The following ADCYAP1 variants were observed in gnomAD, a reference collection of about 807,000 sequenced individuals.
ADCYAP1 encodes pituitary adenylate cyclase-activating polypeptide.
Under a neutral mutation model 18.5 loss-of-function variants are expected in ADCYAP1, and 6 were observed. The ratio of observed to expected loss-of-function variants is 0.32; its 90% confidence interval spans 0.18 to 0.64. The LOEUF is 0.64. Among genes scored for constraint, ADCYAP1 ranks in the 30% least tolerant of loss-of-function variants. The probability of loss-of-function intolerance (pLI) is 0.77; values close to 1 mark genes in which losing one functional copy is unlikely to be tolerated. For synonymous variants in ADCYAP1, 136 were observed against 113.9 expected (o/e 1.19, Z -1.24); for missense variants, 314 against 253.6 (o/e 1.24, Z -1.62).
chr18:904,529 C>T, upstream of ADCYAP1: 1 of 1,289,182 alleles, frequency 7.8e-7, no homozygotes, highest in Non-Finnish European at 1.0e-6. Context: ...GGCCGGTCAC[C>T]TCTGTAACCA....
chr18:904,984 C>T lies in ADCYAP1; in HGVS notation c.-78C>T. ...CGGCGATGCCTCTCGGGTGGTGACT[C>T]CAGCGCAGGAACTTGAAGAAGCGCT... On this transcript the variant is annotated 5_prime_UTR_variant, in exon 1 of 5. Coordinates refer to ENST00000450565, the MANE Select transcript of ADCYAP1 (RefSeq NM_001099733.2). 7.7e-7 allele frequency: 1 copy of T among 1,291,936 alleles called. No individual in the cohort carries two copies. The highest frequency in any genetic ancestry group is 1.0e-6 in the Non-Finnish European group (1 of 990,552). 80.0% of individuals were successfully genotyped at this position (1,291,936 alleles called of 1,614,324 possible).
At chr18:908,188 G>A (rs1242347942) in intron 3 of ADCYAP1, 77 bp from the exon 4 acceptor site, 45 of 1,334,054 alleles carry the variant, frequency 3.4e-5, no homozygotes, top group Non-Finnish European at 4.5e-5. Context: ...GGGGGCGCGC[G>A]CCCAACAAGG....
rs1357298596 is a variant in ADCYAP1 at position 908,197 on chromosome 18, G to A, written c.243-68G>A. The A allele has an allele frequency of 5.6e-6, 8 of 1,429,644 alleles. No individual in the cohort carries two copies. The African/African-American group carries it at 7.1e-5, about 13-fold the overall frequency. 88.6% of individuals were successfully genotyped at this position (1,429,644 alleles called of 1,614,324 possible). The stretch of plus-strand genomic sequence containing the variant: ...CGCCGAGGGGGCGCGCGCCCAACAA[G>A]GGGGTCTCTAGCGGCCACCTGGGGA... On this transcript the variant is annotated intron_variant, in intron 3 of 4. Transcript: ENST00000450565.
Position 907,425 on chromosome 18 carries a change from G to C in ADCYAP1, c.111-234G>C, listed in dbSNP as rs1489137230. On this transcript the variant is annotated intron_variant, in intron 2 of 4. Coordinates refer to ENST00000450565, the MANE Select transcript of ADCYAP1 (RefSeq NM_001099733.2). ...TTGTTGAGGCCGTGGCCCGCAGGAC[G>C]ACCCTTTACCCGCGAAGGGGGGGTG... 4.1e-4 allele frequency: 180 copies of C among 433,820 alleles called. 1 individual carries two copies. The highest frequency in any genetic ancestry group is 8.4e-5 in the East Asian group (2 of 23,790). The allele number at this position is 433,820 out of a possible 1,614,324, so 26.9% of individuals were successfully genotyped here.
Position 909,852 on chromosome 18 carries a change from A to G in ADCYAP1, c.*217A>G, listed in dbSNP as rs1485064149. ...TACTTTGTGGACCAATTATTGATAT[A>G]TATTATAAATATATATAAAGAATAT... On this transcript the variant is annotated 3_prime_UTR_variant, in exon 5 of 5. Coordinates refer to ENST00000450565, the MANE Select transcript of ADCYAP1 (RefSeq NM_001099733.2). 6.5e-6 allele frequency: 1 copy of G among 153,788 alleles called. No individual in the cohort carries two copies. The highest frequency in any genetic ancestry group is 2.5e-5 in the African/African-American group (1 of 39,462). 9.5% of individuals were successfully genotyped at this position (153,788 alleles called of 1,614,324 possible).
Position 908,413 on chromosome 18 carries a change from TGCGGGGCGC to T in ADCYAP1, c.341+59_341+67del, listed in dbSNP as rs535531202. ...CTGCGCGCGCCGGGGTGGGTGCCTGTGCGGGGCGCGCGGGGCGGGCGGCGGTGGGTGCCC... is the reference window on the plus strand; with the variant it reads ...CTGCGCGCGCCGGGGTGGGTGCCTGTGCGGGGCGGGCGGCGGTGGGTGCCC... On this transcript the variant is annotated intron_variant, in intron 4 of 4. Coordinates refer to ENST00000450565, the MANE Select transcript of ADCYAP1 (RefSeq NM_001099733.2). 1.6e-5 allele frequency: 25 copies of T among 1,528,692 alleles called. No individual in the cohort carries two copies. The Admixed American group carries it at 3.9e-4, about 24-fold the overall frequency. The allele number at this position is 1,528,692 out of a possible 1,614,324, so 94.7% of individuals were successfully genotyped here. A position where few individuals can be genotyped will look rare whatever the true frequency, so the allele number is the denominator to read the frequency against.
At position 904,988 on chromosome 18, in the gene ADCYAP1, C is replaced by A; in HGVS notation, c.-74C>A. On this transcript the variant is annotated 5_prime_UTR_variant, in exon 1 of 5. Coordinates refer to ENST00000450565, the MANE Select transcript of ADCYAP1 (RefSeq NM_001099733.2). Reference sequence around the variant, plus strand: ...GATGCCTCTCGGGTGGTGACTCCAGCGCAGGAACTTGAAGAAGCGCTTTGC... The same window carrying A: ...GATGCCTCTCGGGTGGTGACTCCAGAGCAGGAACTTGAAGAAGCGCTTTGC... 1 of 1,291,314 alleles carries A rather than the reference C, an allele frequency of 7.7e-7. No individual in the cohort carries two copies. The allele number at this position is 1,291,314 out of a possible 1,614,324, so 80.0% of individuals were successfully genotyped here.
rs1178320842 is a variant in ADCYAP1 at position 908,325 on chromosome 18, C to T, written c.303C>T (p.Ala101=). The change falls in exon 4 of 5, where the codon GCC becomes GCT. Residue 101 remains alanine, a synonymous_variant. Transcript: ENST00000450565. The stretch of plus-strand genomic sequence containing the variant: ...GCAAAGTGCTGGACCAGCTGTCCGC[C>T]GGGAAGCACCTGCAGTCGCTCGTGG... ...AYRKVLDQLS[A]GKHLQSLVAR... 1.2e-6 allele frequency: 2 copies of T among 1,613,320 alleles called. No individual in the cohort carries two copies. Among genetic ancestry groups the T allele is most frequent in the African/African-American group, 1.3e-5 (1 of 75,012 alleles).
At position 910,692 on chromosome 18, in the gene ADCYAP1, C is replaced by T. The variant is rs983055051; in HGVS notation, c.*1057C>T. Reference sequence around the variant, plus strand: ...TGGATGCAAAGTACAATGTGTTTTTCTCCAGTGCTGTCCATGCTTCTCATC... The same window carrying T: ...TGGATGCAAAGTACAATGTGTTTTTTTCCAGTGCTGTCCATGCTTCTCATC... On this transcript the variant is annotated 3_prime_UTR_variant, in exon 5 of 5. Coordinates refer to ENST00000450565, the MANE Select transcript of ADCYAP1 (RefSeq NM_001099733.2). 3 of 152,222 alleles carry T rather than the reference C, an allele frequency of 2.0e-5. No homozygotes were observed. The highest frequency in any genetic ancestry group is 4.8e-5 in the African/African-American group (2 of 41,434). The allele number at this position is 152,222 out of a possible 1,614,324, so 9.4% of individuals were successfully genotyped here. A position where few individuals can be genotyped will look rare whatever the true frequency, so the allele number is the denominator to read the frequency against.
Position 911,388 on chromosome 18 carries a change from A to G in ADCYAP1, c.*1753A>G, listed in dbSNP as rs1489536625. ...CACAAGTTTATTTATTTATTTTTTT[A>G]TGTTTTGAAAAAAGAAGATGAAGAA... On this transcript the variant is annotated 3_prime_UTR_variant, in exon 5 of 5. Transcript: ENST00000450565. 1.4e-5 allele frequency: 2 copies of G among 144,034 alleles called. No homozygotes were observed. The highest frequency in any genetic ancestry group is 5.1e-5 in the African/African-American group (2 of 39,574). The allele number at this position is 144,034 out of a possible 1,614,324, so 8.9% of individuals were successfully genotyped here. A position where few individuals can be genotyped will look rare whatever the true frequency, so the allele number is the denominator to read the frequency against.
rs987469647 is a variant in ADCYAP1, at chr18:911,506, G to C, written c.*1871G>C. 5 of 152,142 alleles carry C rather than the reference G, an allele frequency of 3.3e-5. No individual in the cohort carries two copies. The East Asian group carries it at 9.7e-4, about 29-fold the overall frequency. The allele number at this position is 152,142 out of a possible 1,614,324, so 9.4% of individuals were successfully genotyped here. A position where few individuals can be genotyped will look rare whatever the true frequency, so the allele number is the denominator to read the frequency against. ...CCTTTACGGATTTGATCAGTATGAA[G>C]TCATAAATCAAAGAAAACAGAATTG... is the stretch of plus-strand genomic sequence containing the variant. On this transcript the variant is annotated 3_prime_UTR_variant, in exon 5 of 5. Coordinates refer to ENST00000450565, the MANE Select transcript of ADCYAP1 (RefSeq NM_001099733.2).
At chr18:904,609 C>G, upstream of ADCYAP1, 3 of 1,257,696 alleles carry the variant, frequency 2.4e-6, no homozygotes, top group African/African-American at 1.6e-5. Flanking sequence ...AAGGCGCCGC[C>G]GACCCTCGCG....
chr18:904,958 A>C lies in ADCYAP1; in HGVS notation c.-104A>C. 1 of 1,291,058 alleles carries C rather than the reference A, an allele frequency of 7.7e-7. No individual in the cohort carries two copies. The highest frequency in any genetic ancestry group is 1.0e-6 in the Non-Finnish European group (1 of 990,148). The allele number at this position is 1,291,058 out of a possible 1,614,324, so 80.0% of individuals were successfully genotyped here. A position where few individuals can be genotyped will look rare whatever the true frequency, so the allele number is the denominator to read the frequency against. On this transcript the variant is annotated 5_prime_UTR_variant, in exon 1 of 5. Transcript: ENST00000450565. Reference sequence around the variant, plus strand: ...GCTTCTGCTCAGACACCAACGCCAGACGGCGATGCCTCTCGGGTGGTGACT... The same window carrying C: ...GCTTCTGCTCAGACACCAACGCCAGCCGGCGATGCCTCTCGGGTGGTGACT...
At position 909,807 on chromosome 18, in the gene ADCYAP1, C is replaced by T. The variant is rs1197334947; in HGVS notation, c.*172C>T. ...TAATATTGTTTTTCTTTCTACAAAG[C>T]ACTAGAGAATGCACAGATATACTTT... On this transcript the variant is annotated 3_prime_UTR_variant, in exon 5 of 5. Coordinates refer to ENST00000450565, the MANE Select transcript of ADCYAP1 (RefSeq NM_001099733.2). 1 of 391,806 alleles carries T rather than the reference C, an allele frequency of 2.6e-6. No individual in the cohort carries two copies. The highest frequency in any genetic ancestry group is 2.1e-5 in the African/African-American group (1 of 47,488). 24.3% of individuals were successfully genotyped at this position (391,806 alleles called of 1,614,324 possible). A position where few individuals can be genotyped will look rare whatever the true frequency, so the allele number is the denominator to read the frequency against.
At position 909,463 on chromosome 18, in the gene ADCYAP1, G is replaced by C; in HGVS notation, c.359G>C (p.Gly120Ala). 1 of 1,612,056 alleles carries C rather than the reference G, an allele frequency of 6.2e-7. No homozygotes were observed. Among genetic ancestry groups the C allele is most frequent in the Non-Finnish European group, 8.5e-7 (1 of 1,179,604 alleles). ...GCTTGCAGTGGGAGCCTCGGCGGCG[G>C]CGCGGGGGACGACGCGGAGCCGCTC... ...ARGVGGSLGG[G>A]AGDDAEPLSK... Residue 120 changes from glycine (G) to alanine (A), a missense_variant, in exon 5 of 5, where the codon GGC becomes GCC. Transcript: ENST00000450565.
In ADCYAP1 at chr18:909,460, G is replaced by A; in HGVS notation, c.356G>A (p.Gly119Asp). Residue 119 changes from glycine to aspartate, a missense_variant, in exon 5 of 5, where the codon GGC becomes GAC. Transcript: ENST00000450565. ...TTTGCTTGCAGTGGGAGCCTCGGCGGCGGCGCGGGGGACGACGCGGAGCCG... is the reference window on the plus strand; with the variant it reads ...TTTGCTTGCAGTGGGAGCCTCGGCGACGGCGCGGGGGACGACGCGGAGCCG... ...VARGVGGSLGGGAGDDAEPLS... is the reference protein window; with the variant it reads ...VARGVGGSLGDGAGDDAEPLS... 1.9e-6 allele frequency: 3 copies of A among 1,611,988 alleles called. No homozygotes were observed. Among genetic ancestry groups the A allele is most frequent in the Non-Finnish European group, 2.5e-6 (3 of 1,179,552 alleles).
rs1485293080 is a variant in ADCYAP1 at position 911,547 on chromosome 18, G to C, written c.*1912G>C. The C allele has an allele frequency of 6.6e-6, 1 of 152,150 alleles. No individual in the cohort carries two copies. Among genetic ancestry groups the C allele is most frequent in the Non-Finnish European group, 1.5e-5 (1 of 68,026 alleles). 9.4% of individuals were successfully genotyped at this position (152,150 alleles called of 1,614,324 possible). The stretch of plus-strand genomic sequence containing the variant: ...AACAGAATTGGATTTGCATTCCCAG[G>C]CGGGATGGATGCTGCCAGGAGATCA... On this transcript the variant is annotated 3_prime_UTR_variant, in exon 5 of 5. Coordinates refer to ENST00000450565, the MANE Select transcript of ADCYAP1 (RefSeq NM_001099733.2).
chr18:906,342 T>C (rs2846586), intron 2 of ADCYAP1: 78,099 of 152,152 alleles, frequency 0.51, 20,555 homozygotes, highest in South Asian at 0.71. Context: ...GGATGAGCCC[T>C]GGGTAGGGGA....
At chr18:904,671 C>CT (rs1029503801), upstream of ADCYAP1, 1 of 1,221,052 alleles carries the variant, frequency 8.2e-7, no homozygotes, top group Non-Finnish European at 1.0e-6. Context: ...CGCCCTCTCC[C>CT]TTGCCTTCCT....
Sources: allele counts gnomAD v4.1 joint callset, GRCh38; gene constraint gnomAD v4.1.1; transcripts MANE v1.5; gene names NCBI Gene and HGNC (gene_info 2026-07-23, HGNC 2026-07-21).